ANKRD11: variants seen among roughly 807,000 people sequenced by gnomAD.
The protein encoded by ANKRD11 is ankyrin repeat domain 11, also known as ankyrin repeat domain-containing protein 11.
In ANKRD11, 17 loss-of-function variants were observed where a neutral mutation model predicts 195.7. That is an observed-to-expected ratio of 0.09 (90% CI 0.06 to 0.13). The LOEUF (loss-of-function observed/expected upper bound fraction) is 0.13. ANKRD11 is among the 10% of genes least tolerant of loss of function. ANKRD11 has a pLI of 1.00. For missense variants in ANKRD11, 3,735 were observed against 3,566.1 expected (o/e 1.05, Z -1.21); for synonymous variants, 1,953 against 1,528.1 (o/e 1.28, Z -6.49).
At position 89,490,492 on chromosome 16, in the gene ANKRD11, G is replaced by A. The variant is rs1011281457; in HGVS notation, c.-392C>T. 3.3e-5 allele frequency: 15 copies of A among 456,158 alleles called. No homozygotes were observed. Among genetic ancestry groups the A allele is most frequent in the Non-Finnish European group, 5.9e-5 (15 of 254,548 alleles). 28.3% of individuals were successfully genotyped at this position (456,158 alleles called of 1,614,324 possible). A position where few individuals can be genotyped will look rare whatever the true frequency, so the allele number is the denominator to read the frequency against. The stretch of plus-strand genomic sequence containing the variant: ...GACGCTACTGATGGGGCGTCTGGCC[G>A]CGGGCTCGGCGGCGGCGCCTCCCCG... On this transcript the variant is annotated 5_prime_UTR_variant, in exon 1 of 13. Coordinates refer to ENST00000301030, the MANE Select transcript of ANKRD11 (RefSeq NM_013275.6).
rs199691161 is a variant in ANKRD11 at position 89,280,402 on chromosome 16, G to A, written c.6140C>T (p.Ala2047Val). The A allele has an allele frequency of 1.3e-6, 2 of 1,560,672 alleles. No individual in the cohort carries two copies. The highest frequency in any genetic ancestry group is 2.3e-5 in the East Asian group (1 of 44,242). ...VKDGVDAVPA[A>V]ISTSEAAPYA... is the part of the protein sequence containing the mutation. ...GGGAGCCGCCTCTGAGGTGGAGATG[G>A]CGGCGGGGACGGCGTCCACTCCGTC... is the stretch of plus-strand genomic sequence containing the variant. The change falls in exon 9 of 13, where the codon GCC becomes GTC. Residue 2047 changes from alanine to valine, a missense_variant. Transcript: ENST00000301030.
At chr16:89,383,188 G>A (rs991258645) in intron 2 of ANKRD11, among the ~76,000 whole-genome samples, 2 of 152,204 alleles carry the variant, frequency 1.3e-5, no homozygotes, top group Non-Finnish European at 2.9e-5. Context: ...GGAGCGGTGC[G>A]AGGTCACCTC....
At chr16:89,434,941 C>A (rs2043149829) in intron 1 of ANKRD11, among the ~76,000 whole-genome samples, 1 of 152,208 alleles carries the variant, frequency 6.6e-6, no homozygotes, top group South Asian at 2.1e-4. Flanking sequence ...CTAGGTGAAG[C>A]AGGGCGCAGG....
chr16:89,474,430 A>G lies in ANKRD11; in HGVS notation c.-145+15815T>C, dbSNP rs187770377. 3.0e-4 allele frequency among the ~76,000 whole-genome samples: 45 copies of G among 152,174 alleles called. 1 individual carries two copies. The highest frequency in any genetic ancestry group is 2.6e-3 in the Admixed American group (40 of 15,274). On this transcript the variant is annotated intron_variant, in intron 1 of 12. Coordinates refer to ENST00000301030, the MANE Select transcript of ANKRD11 (RefSeq NM_013275.6). ...CCAGGACCTTGAGACCAGCCTGGGC[A>G]ACATGGTGAGACCCTGTCTCTACCT...
intron 2 of ANKRD11, among the ~76,000 whole-genome samples, chr16:89,354,358 T>C (rs1301736156): frequency 6.6e-6 from 1 of 152,116 alleles, no homozygotes; most frequent in East Asian, 1.9e-4. Context: ...AAAAATGATT[T>C]TACTAACATT....
chr16:89,323,222 GGAAAAAA>G, intron 2 of ANKRD11: 3 of 1,081,360 alleles, frequency 2.8e-6, no homozygotes, highest in Non-Finnish European at 3.7e-6. Flanking sequence ...ACTGAGCGGA[GGAAAAAA>G]GAAAAAAGGA....
At chr16:89,447,578 A>G (rs1403889006) in intron 1 of ANKRD11, among the ~76,000 whole-genome samples, 1 of 151,878 alleles carries the variant, frequency 6.6e-6, no homozygotes, top group Admixed American at 6.6e-5. Context: ...TCCTACAACA[A>G]TGCTCCACTC....
intron 1 of ANKRD11, among the ~76,000 whole-genome samples, chr16:89,461,051 C>T (rs558688592): frequency 4.0e-5 from 5 of 124,786 alleles, no homozygotes; most frequent in African/African-American, 9.2e-5. Flanking sequence ...ACCACCCCCC[C>T]GCAGGAGACG....
chr16:89,287,821 C>T (rs1567587190), intron 7 of ANKRD11: 6 of 229,852 alleles, frequency 2.6e-5, no homozygotes. Flanking sequence ...GGACCTCCAG[C>T]AATGGCCAGG....
intron 11 of ANKRD11, among the ~76,000 whole-genome samples, chr16:89,273,438 A>G (rs1414370463): frequency 1.3e-5 from 2 of 152,140 alleles, no homozygotes; most frequent in Non-Finnish European, 2.9e-5. Flanking sequence ...GCGGTGGCTC[A>G]CGCCTGTAAC....
chr16:89,330,610 C>A (rs138075807), intron 2 of ANKRD11, among the ~76,000 whole-genome samples: 2 of 127,812 alleles, frequency 1.6e-5, no homozygotes, highest in African/African-American at 6.0e-5. Flanking sequence ...CAAGGGGCTG[C>A]GTGAGGGTCC....
At chr16:89,387,069 C>A (rs767548211) in intron 2 of ANKRD11, among the ~76,000 whole-genome samples, 23 of 152,110 alleles carry the variant, frequency 1.5e-4, no homozygotes, top group Non-Finnish European at 3.1e-4. Flanking sequence ...GGTGCAGGAG[C>A]CACAGAAGGC....
chr16:89,383,259 A>G (rs2040744295), intron 2 of ANKRD11, among the ~76,000 whole-genome samples: 2 of 152,252 alleles, frequency 1.3e-5, no homozygotes, highest in Admixed American at 1.3e-4. Flanking sequence ...GCTCAAGATA[A>G]CCGGCTCTGC....
intron 3 of ANKRD11, among the ~76,000 whole-genome samples, chr16:89,309,923 G>A (rs1357466851): frequency 6.6e-6 from 1 of 152,176 alleles, no homozygotes; most frequent in East Asian, 1.9e-4. Flanking sequence ...CCAGCCTGCC[G>A]GCCACCTGGC....
At chr16:89,427,944 G>C (rs1223481813) in intron 1 of ANKRD11, among the ~76,000 whole-genome samples, 1 of 151,650 alleles carries the variant, frequency 6.6e-6, no homozygotes, top group Non-Finnish European at 1.5e-5. Context: ...CAATAATCTA[G>C]TGCCTCTAAT....
chr16:89,377,748 C>T (rs1460488618), intron 2 of ANKRD11, among the ~76,000 whole-genome samples: 1 of 152,066 alleles, frequency 6.6e-6, no homozygotes, highest in African/African-American at 2.4e-5. Flanking sequence ...AAACTAAAGC[C>T]AACAGTGAGG....
chr16:89,417,723 G>A (rs2042364746), intron 2 of ANKRD11, among the ~76,000 whole-genome samples: 1 of 151,936 alleles, frequency 6.6e-6, no homozygotes, highest in Non-Finnish European at 1.5e-5. Flanking sequence ...CCTAACAAGA[G>A]CACAACAGCT....
chr16:89,442,257 C>T (rs1390820114), intron 1 of ANKRD11, among the ~76,000 whole-genome samples: 3 of 152,186 alleles, frequency 2.0e-5, no homozygotes, highest in Non-Finnish European at 4.4e-5. Context: ...CTACGCTTTC[C>T]TCACTAAGGA....
chr16:89,318,572 G>A (rs1445034653), intron 2 of ANKRD11, among the ~76,000 whole-genome samples: 1 of 151,496 alleles, frequency 6.6e-6, no homozygotes, highest in Non-Finnish European at 1.5e-5. Flanking sequence ...CCATCTGTGA[G>A]TGGCAGCTCC....
Sources: gnomAD v4.1 joint callset for allele counts (sites outside exome capture counted in the v4.1 genomes callset) on GRCh38, gnomAD v4.1.1 for gene constraint, MANE v1.5 for transcripts, NCBI Gene and HGNC (gene_info 2026-07-23, HGNC 2026-07-21) for gene names.